SNX8: variants seen among roughly 807,000 people sequenced by gnomAD.
The protein encoded by SNX8 is sorting nexin-8.
Under a neutral mutation model 51.6 loss-of-function variants are expected in SNX8, and 25 were observed. That is an observed-to-expected ratio of 0.48 (90% CI 0.35 to 0.68). The LOEUF is 0.68. Ranked by LOEUF, SNX8 falls within the 30% of genes least tolerant of loss-of-function variation. The pLI, the probability that SNX8 is intolerant of heterozygous loss-of-function variation, is 0.00. For synonymous variants in SNX8, 324 were observed against 277.0 expected (o/e 1.17, Z -1.68); for missense variants, 695 against 624.0 (o/e 1.11, Z -1.21).
intron 4 of SNX8, among the ~76,000 whole-genome samples, chr7:2,269,948 G>T (rs1221565262): frequency 1.3e-5 from 2 of 152,128 alleles, no homozygotes; most frequent in East Asian, 3.8e-4. Context: ...CAGACCAGGG[G>T]CGGCTCTGCA....
chr7:2,343,711 T>C (rs1778972878), intron 1 of SNX8, among the ~76,000 whole-genome samples: 1 of 151,724 alleles, frequency 6.6e-6, no homozygotes, highest in Non-Finnish European at 1.5e-5. Flanking sequence ...ATCTTCCCAC[T>C]GTAGAAGGTA....
chr7:2,336,403 C>T (rs1243626945), intron 1 of SNX8, among the ~76,000 whole-genome samples: 7 of 150,922 alleles, frequency 4.6e-5, no homozygotes, highest in African/African-American at 1.5e-4. Flanking sequence ...TCAAAAATAA[C>T]AATAATAACA....
intron 1 of SNX8, among the ~76,000 whole-genome samples, chr7:2,328,028 A>C (rs915297944): frequency 6.6e-6 from 1 of 151,402 alleles, no homozygotes; most frequent in Non-Finnish European, 1.5e-5. Context: ...ACCATGTCCA[A>C]CCTATTTTTT....
chr7:2,327,650 G>A (rs543710163), intron 1 of SNX8, among the ~76,000 whole-genome samples: 27 of 151,138 alleles, frequency 1.8e-4, no homozygotes, highest in East Asian at 9.8e-4. Context: ...CTCATGATCC[G>A]CCCGCCTCGG....
At chr7:2,342,701 C>T (rs918920384) in intron 1 of SNX8, among the ~76,000 whole-genome samples, 5 of 151,782 alleles carry the variant, frequency 3.3e-5, no homozygotes, top group African/African-American at 7.3e-5. Context: ...AAAAGTATCA[C>T]GTAAGTGGAG....
chr7:2,301,968 C>T (rs147916714), intron 1 of SNX8, among the ~76,000 whole-genome samples: 1 of 152,104 alleles, frequency 6.6e-6, no homozygotes, highest in Non-Finnish European at 1.5e-5. Flanking sequence ...ATCGGCCAGG[C>T]GCGGTGGCTC....
At chr7:2,337,637 CA>C (rs1778854203) in intron 1 of SNX8, among the ~76,000 whole-genome samples, 1 of 151,876 alleles carries the variant, frequency 6.6e-6, no homozygotes, top group Admixed American at 6.6e-5. Context: ...AGACAGAGAG[CA>C]ATGCCTGGAG....
intron 1 of SNX8, among the ~76,000 whole-genome samples, chr7:2,332,774 G>A (rs1203571649): frequency 6.8e-6 from 1 of 146,810 alleles, no homozygotes. Context: ...AAGGAAGGAG[G>A]GAAGGAGGGA....
intron 1 of SNX8, among the ~76,000 whole-genome samples, chr7:2,320,378 T>G (rs1796813896): frequency 6.6e-6 from 1 of 152,130 alleles, no homozygotes; most frequent in South Asian, 2.1e-4. Flanking sequence ...TTGAAAAGTT[T>G]GTCTTCTTCC....
At chr7:2,309,315 A>G (rs1170957198) in intron 1 of SNX8, among the ~76,000 whole-genome samples, 1 of 152,018 alleles carries the variant, frequency 6.6e-6, no homozygotes, top group Non-Finnish European at 1.5e-5. Context: ...TGAGGTCAGG[A>G]GTTTGAGATC....
chr7:2,307,948 A>G (rs1234003206), intron 1 of SNX8: 1 of 152,094 alleles, frequency 6.6e-6, no homozygotes, highest in Admixed American at 6.6e-5. Context: ...CTTTCTTGCT[A>G]ACCACAAATT....
At chr7:2,286,715 T>C (rs1796037615) in intron 1 of SNX8, among the ~76,000 whole-genome samples, 1 of 151,716 alleles carries the variant, frequency 6.6e-6, no homozygotes, top group Non-Finnish European at 1.5e-5. Context: ...AGATGGGGTT[T>C]CACCATGTTA....
At chr7:2,347,480 CAA>C (rs749495262) in intron 1 of SNX8, among the ~76,000 whole-genome samples, 5 of 39,340 alleles carry the variant, frequency 1.3e-4, no homozygotes, top group African/African-American at 1.9e-4. Context: ...GATGCTGTCT[CAA>C]AAAAAAAAAA....
chr7:2,270,314 CAAAAAAAAAAAAA>C (rs57983721), intron 4 of SNX8, among the ~76,000 whole-genome samples: 16 of 57,088 alleles, frequency 2.8e-4, no homozygotes, highest in South Asian at 9.6e-4. Context: ...TCTCATTTTA[CAAAAAAAAAAAAA>C]AAAAAAAAAA....
intron 1 of SNX8, among the ~76,000 whole-genome samples, chr7:2,329,520 G>C (rs1045057247): frequency 6.6e-6 from 1 of 152,072 alleles, no homozygotes; most frequent in Admixed American, 6.6e-5. Flanking sequence ...TTGTCTGTTA[G>C]GCCTCGGGCA....
rs1779097303 is a variant in SNX8 at position 2,349,407 on chromosome 7, T to C, written c.-66+4815A>G. 4.6e-5 allele frequency among the ~76,000 whole-genome samples: 7 copies of C among 151,948 alleles called. No individual in the cohort carries two copies. In the South Asian group the frequency reaches 1.5e-3, roughly 32 times the overall value. On this transcript the variant is annotated intron_variant, in intron 1 of 5. Coordinates refer to the SNX8 transcript ENST00000435336. ...ATTTTTAAATTTGTTATATTTTTAG[T>C]TTATTTTTTTCACCCTACCCCCTAT... is the stretch of plus-strand genomic sequence containing the variant.
At chr7:2,321,353 C>G (rs1334749408) in intron 1 of SNX8, among the ~76,000 whole-genome samples, 1 of 152,154 alleles carries the variant, frequency 6.6e-6, no homozygotes, top group African/African-American at 2.4e-5. Context: ...ACCGACACGT[C>G]TGCCTTCAGC....
chr7:2,303,254 G>A (rs867686854), intron 1 of SNX8, among the ~76,000 whole-genome samples: 16 of 143,296 alleles, frequency 1.1e-4, no homozygotes, highest in Admixed American at 2.7e-4. Flanking sequence ...CCCCCCGCCC[G>A]GCCAGCCGCC....
intron 5 of SNX8, among the ~76,000 whole-genome samples, chr7:2,267,536 G>A (rs528101145): frequency 0.024 from 3,203 of 132,310 alleles, 123 homozygotes; most frequent in African/African-American, 0.084. Context: ...CCGGTCTCCA[G>A]CCCCTAACCG....
Sources: gnomAD v4.1 joint callset for allele counts (sites outside exome capture counted in the v4.1 genomes callset) on GRCh38, gnomAD v4.1.1 for gene constraint, MANE v1.5 for transcripts, NCBI Gene and HGNC (gene_info 2026-07-23, HGNC 2026-07-21) for gene names.